The following SIRT6 variants were observed in gnomAD, a reference collection of about 807,000 sequenced individuals.
SIRT6 encodes NAD-dependent protein deacylase sirtuin-6.
In SIRT6, 21 loss-of-function variants were observed where a neutral mutation model predicts 33.6. The observed-to-expected ratio is 0.62, with a 90% CI of 0.44 to 0.90. The LOEUF (loss-of-function observed/expected upper bound fraction) is 0.90, where lower values mean the gene tolerates loss of function less well. Among genes scored for constraint, SIRT6 ranks in the 40% least tolerant of loss-of-function variants. The probability of loss-of-function intolerance (pLI) is 0.00; values close to 1 mark genes in which losing one functional copy is unlikely to be tolerated. For missense variants in SIRT6, 504 were observed against 510.6 expected (o/e 0.99, Z 0.12); for synonymous variants, 221 against 223.9 (o/e 0.99, Z 0.12).
intron 4 of SIRT6, 66 bp from the exon 5 acceptor site, chr19:4,176,003 T>A: frequency 7.0e-7 from 1 of 1,419,742 alleles, no homozygotes. Flanking sequence ...TCGCACTGTT[T>A]CTAGGGTGAC....
intron 3 of SIRT6, 100 bp from the exon 4 acceptor site, chr19:4,177,238 C>T (rs570256990): frequency 2.4e-5 from 25 of 1,047,524 alleles, no homozygotes; most frequent in East Asian, 2.0e-4. Flanking sequence ...GAAGGCTTCC[C>T]GGACTCCTCT....
At chr19:4,182,386 T>G (rs568161009) in intron 1 of SIRT6, 88 bp downstream of exon 1, 121 of 1,341,524 alleles carry the variant, frequency 9.0e-5, no homozygotes, top group Middle Eastern at 2.0e-4. Context: ...CAGTGCCCCC[T>G]GATATTCCCA....
Position 4,177,028 on chromosome 19 carries a change from C to A in SIRT6, c.437+51G>T, listed in dbSNP as rs548084127. The A allele has an allele frequency of 2.5e-5, 39 of 1,547,794 alleles. No individual in the cohort carries two copies. In the African/African-American group the frequency reaches 4.2e-4, roughly 17 times the overall value. ...GGGTCTCTGGGACATCGGATTCGACCCCCAACCCCCTCTGGCAGAGCCCCC... is the reference window on the plus strand; with the variant it reads ...GGGTCTCTGGGACATCGGATTCGACACCCAACCCCCTCTGGCAGAGCCCCC... On this transcript the variant is annotated intron_variant, in intron 4 of 7. Transcript: ENST00000337491.
At position 4,179,254 on chromosome 19, in the gene SIRT6, C is replaced by T. The variant is rs199934255; in HGVS notation, c.227G>A (p.Arg76Gln). ...GGTGTCGAACTTGGGGGCCAGACCTCGCTCCTCCATGGTCCAGACTCCGTG... is the reference window on the plus strand; with the variant it reads ...GGTGTCGAACTTGGGGGCCAGACCTTGCTCCTCCATGGTCCAGACTCCGTG... ...GPHGVWTMEE[R>Q]GLAPKFDTTF... Residue 76 changes from arginine (R) to glutamine (Q), a missense_variant, in exon 3 of 8, where the codon CGA (arginine) becomes CAA (glutamine). Transcript: ENST00000337491. 6.8e-6 allele frequency: 11 copies of T among 1,607,484 alleles called. No homozygotes were observed. Among genetic ancestry groups the T allele is most frequent in the Admixed American group, 5.1e-5 (3 of 58,804 alleles).
intron 3 of SIRT6, among the ~76,000 whole-genome samples, chr19:4,177,739 C>T (rs553860468): frequency 2.3e-4 from 35 of 151,994 alleles, no homozygotes; most frequent in South Asian, 8.3e-4. Flanking sequence ...TACAGGCGCC[C>T]GCCACCACGC....
At chr19:4,177,670 A>T (rs953088135) in intron 3 of SIRT6, among the ~76,000 whole-genome samples, 1 of 152,102 alleles carries the variant, frequency 6.6e-6, no homozygotes, top group African/African-American at 2.4e-5. Flanking sequence ...AGCTCACCAC[A>T]ACCTCTGCCT....
chr19:4,174,863 G>A lies in SIRT6; in HGVS notation c.822C>T (p.Pro274=), dbSNP rs144184492. Residue 274 remains proline, a synonymous_variant, in exon 8 of 8, where the codon CCC becomes CCT. Transcript: ENST00000337491. The surrounding 1 kb of genome is among the most constrained non-coding windows in gnomAD (Gnocchi z 4.2). The part of the protein sequence containing the change: ...RLMKHLGLEI[P]AWDGPRVLER... Reference sequence around the variant, plus strand: ...CCAGCACACGGGGGCCGTCCCAGGCGGGGATCTCCAGCCCCAGGTGCTTCA... The same window carrying A: ...CCAGCACACGGGGGCCGTCCCAGGCAGGGATCTCCAGCCCCAGGTGCTTCA... 64 of 1,600,582 alleles carry A rather than the reference G, an allele frequency of 4.0e-5. No individual in the cohort carries two copies. Among genetic ancestry groups the A allele is most frequent in the Non-Finnish European group, 3.1e-5 (37 of 1,179,462 alleles).
intron 1 of SIRT6, 124 bp from the exon 2 acceptor site, chr19:4,181,033 G>T: frequency 7.7e-7 from 1 of 1,295,744 alleles, no homozygotes; most frequent in Non-Finnish European, 1.0e-6. Flanking sequence ...GGAAAAGGCA[G>T]CTTGTCCTCA....
At chr19:4,178,000 G>A (rs369106939) in intron 3 of SIRT6, among the ~76,000 whole-genome samples, 1 of 151,772 alleles carries the variant, frequency 6.6e-6, no homozygotes, top group Non-Finnish European at 1.5e-5. Flanking sequence ...TGAGATTCCA[G>A]GCATAAGTCA....
chr19:4,181,509 G>C (rs73918060), intron 1 of SIRT6, among the ~76,000 whole-genome samples: 9,232 of 152,294 alleles, frequency 0.061, 645 homozygotes, highest in East Asian at 0.18. Context: ...CTAACAGGCC[G>C]GGTATGGTGG....
At chr19:4,178,833 G>A (rs901482254) in intron 3 of SIRT6, among the ~76,000 whole-genome samples, 10 of 152,054 alleles carry the variant, frequency 6.6e-5, no homozygotes, top group African/African-American at 1.9e-4. Context: ...AACGAAACTC[G>A]GTCTCAAAAA....
intron 3 of SIRT6, among the ~76,000 whole-genome samples, chr19:4,177,869 C>T (rs966324060): frequency 2.5e-4 from 38 of 151,918 alleles, no homozygotes; most frequent in African/African-American, 8.2e-4. Context: ...GGATTACAGG[C>T]GTGAGCCACT....
chr19:4,177,969 C>T (rs528974258), intron 3 of SIRT6, among the ~76,000 whole-genome samples: 5 of 151,674 alleles, frequency 3.3e-5, no homozygotes, highest in African/African-American at 4.8e-5. Context: ...ATGATCCGCC[C>T]GCCTTGGCCT....
intron 6 of SIRT6, 54 bp from the exon 7 acceptor site, chr19:4,175,205 G>T: frequency 6.4e-7 from 1 of 1,552,078 alleles, no homozygotes; most frequent in South Asian, 1.2e-5. Flanking sequence ...CCAACATCCC[G>T]AGCCAGCCCT....
rs773595770 is a variant in SIRT6 at position 4,175,008 on chromosome 19, G to A, written c.738+20C>T. The A allele has an allele frequency of 1.4e-5, 22 of 1,603,322 alleles. No homozygotes were observed. The highest frequency in any genetic ancestry group is 5.6e-5 in the South Asian group (5 of 89,640). On this transcript the variant is annotated intron_variant, in intron 7 of 7. Coordinates refer to ENST00000337491, the MANE Select transcript of SIRT6 (RefSeq NM_016539.4). ...GAGGGTGCATGGTGGCCCTGGGCAG[G>A]GGTAGGCTCAGACACCTACGTGCTT...
chr19:4,181,064 C>A (rs760526263), intron 1 of SIRT6, among the ~76,000 whole-genome samples, 155 bp from the exon 2 acceptor site: 38 of 152,322 alleles, frequency 2.5e-4, no homozygotes, highest in Non-Finnish European at 5.1e-4. Flanking sequence ...CTTCCTACAA[C>A]CTTCCATGCC....
intron 2 of SIRT6, 185 bp from the exon 3 acceptor site, chr19:4,179,471 G>A (rs563203656): frequency 1.6e-6 from 1 of 636,504 alleles, no homozygotes. Context: ...ACAGGGAGAG[G>A]GGGATAGAAC....
At chr19:4,179,371 A>T in intron 2 of SIRT6, 85 bp from the exon 3 acceptor site, 1 of 1,382,254 alleles carries the variant, frequency 7.2e-7, no homozygotes, top group Non-Finnish European at 9.7e-7. Context: ...TATAGAGAGA[A>T]AGTTGGAGAG....
chr19:4,175,669 G>T lies in SIRT6; in HGVS notation c.614+11C>A, dbSNP rs1391201229. On this transcript the variant is annotated intron_variant, in intron 6 of 7. Transcript: ENST00000337491. Reference sequence around the variant, plus strand: ...CCCCACCATGGGCTCCCTGGGGGTGGGGGGTCAGACCTGCTGGCCTCATCG... The same window carrying T: ...CCCCACCATGGGCTCCCTGGGGGTGTGGGGTCAGACCTGCTGGCCTCATCG... 5 of 1,511,230 alleles carry T rather than the reference G, an allele frequency of 3.3e-6. No homozygotes were observed. The highest frequency in any genetic ancestry group is 3.5e-6 in the Non-Finnish European group (4 of 1,129,026). The allele number at this position is 1,511,230 out of a possible 1,614,324, so 93.6% of individuals were successfully genotyped here.
Sources: gnomAD v4.1 joint callset for allele counts (sites outside exome capture counted in the v4.1 genomes callset) on GRCh38, gnomAD v4.1.1 for gene constraint, Gnocchi (gnomAD v3.1) non-coding constraint, MANE v1.5 for transcripts, NCBI Gene and HGNC (gene_info 2026-07-23, HGNC 2026-07-21) for gene names.